The following CHMP6 variants were observed in gnomAD, a reference collection of about 807,000 sequenced individuals.
CHMP6 encodes chromatin-modifying protein 6.
In CHMP6, 10 loss-of-function variants were observed where a neutral mutation model predicts 32.8. That is an observed-to-expected ratio of 0.30 (90% CI 0.19 to 0.52). The LOEUF (loss-of-function observed/expected upper bound fraction) is 0.52. Among genes scored for constraint, CHMP6 ranks in the 20% least tolerant of loss-of-function variants. The pLI is 0.97. For synonymous variants in CHMP6, 123 were observed against 105.8 expected (o/e 1.16, Z -1.00); for missense variants, 269 against 263.8 (o/e 1.02, Z -0.14).
chr17:80,998,416 C>T lies in CHMP6; in HGVS notation c.546C>T (p.Ile182=), dbSNP rs371645115. The part of the protein sequence containing the change: ...EVPSEPLPEK[I]PENVPVKARP... ...CCTCCGAGCCCCTTCCTGAGAAGAT[C>T]CCAGGTATTTCCATGTTTGATTCTT... Residue 182 remains isoleucine (I), a synonymous_variant, in exon 7 of 8, where the codon ATC becomes ATT. Coordinates refer to ENST00000325167, the MANE Select transcript of CHMP6 (RefSeq NM_024591.5). 3.5e-5 allele frequency: 56 copies of T among 1,614,026 alleles called. No individual in the cohort carries two copies. The Middle Eastern group carries it at 6.6e-4, about 19-fold the overall frequency.
chr17:80,992,716 C>T (rs2069603775), intron 1 of CHMP6, among the ~76,000 whole-genome samples: 1 of 152,192 alleles, frequency 6.6e-6, no homozygotes, highest in Non-Finnish European at 1.5e-5. Context: ...TGAAAGTTAG[C>T]TTCTGTAGGA....
chr17:80,994,997 ACT>A lies in CHMP6; in HGVS notation c.174-18_174-17del, dbSNP rs1362316212. The stretch of plus-strand genomic sequence containing the variant: ...GGCCCAGGCAGGGCCACAGCGGGTC[ACT>A]CTCGGGCTTCCCTCTGCAGACGGGC... On this transcript the variant is annotated intron_variant, in intron 2 of 7. Coordinates refer to ENST00000325167, the MANE Select transcript of CHMP6 (RefSeq NM_024591.5). 4 of 1,575,328 alleles carry A rather than the reference ACT, an allele frequency of 2.5e-6. No homozygotes were observed. The African/African-American group carries it at 5.4e-5, about 21-fold the overall frequency.
chr17:80,996,047 G>A (rs932145584), intron 4 of CHMP6, among the ~76,000 whole-genome samples: 5 of 152,118 alleles, frequency 3.3e-5, no homozygotes, highest in Non-Finnish European at 5.9e-5. Context: ...TGGAGGTGGC[G>A]GGTGTGGTGG....
intron 1 of CHMP6, 152 bp from the exon 2 acceptor site, chr17:80,994,429 G>A (rs2069618744): frequency 1.7e-5 from 10 of 572,248 alleles, no homozygotes; most frequent in Admixed American, 4.0e-5. Flanking sequence ...CCCCAGACGT[G>A]TCCAGACAGC....
rs375099422 is a variant in CHMP6, at chr17:80,995,616, G to A, written c.262-56G>A. ...TCATCCTGAACCCTGCCCCAGGGCCGGGAGGAGGGCACCCCGGATCCTCAG... is the reference window on the plus strand; with the variant it reads ...TCATCCTGAACCCTGCCCCAGGGCCAGGAGGAGGGCACCCCGGATCCTCAG... On this transcript the variant is annotated intron_variant, in intron 3 of 7. Coordinates refer to ENST00000325167, the MANE Select transcript of CHMP6 (RefSeq NM_024591.5). 7.7e-5 allele frequency: 117 copies of A among 1,523,388 alleles called. 1 individual carries two copies. The African/African-American group carries it at 1.2e-3, about 15-fold the overall frequency. 94.4% of individuals were successfully genotyped at this position (1,523,388 alleles called of 1,614,324 possible). A position where few individuals can be genotyped will look rare whatever the true frequency, so the allele number is the denominator to read the frequency against.
chr17:80,997,826 T>C (rs1345088365), intron 6 of CHMP6, among the ~76,000 whole-genome samples: 1 of 152,216 alleles, frequency 6.6e-6, no homozygotes, highest in African/African-American at 2.4e-5. Flanking sequence ...CCAGCCCTGC[T>C]GCCAGCTGCC....
At chr17:80,997,401 ACCCCCAGGAGGC>A in intron 6 of CHMP6, 60 bp downstream of exon 6, 1 of 687,084 alleles carries the variant, frequency 1.5e-6, no homozygotes, top group South Asian at 2.0e-5. Flanking sequence ...CAGAGCTCAG[ACCCCCAGGAGGC>A]CCTGCCCATG....
intron 3 of CHMP6, 87 bp downstream of exon 3, chr17:80,995,193 A>G: frequency 7.6e-7 from 1 of 1,318,936 alleles, no homozygotes; most frequent in Non-Finnish European, 1.1e-6. Context: ...ATTTCTCCCG[A>G]GAGCTGAAAG....
intron 1 of CHMP6, among the ~76,000 whole-genome samples, chr17:80,992,719 C>T (rs1221896959): frequency 6.6e-6 from 1 of 152,146 alleles, no homozygotes; most frequent in African/African-American, 2.4e-5. Context: ...AAGTTAGCTT[C>T]TGTAGGAGGA....
chr17:80,995,782 C>T (rs779179293), intron 4 of CHMP6, 24 bp downstream of exon 4: 7 of 1,608,472 alleles, frequency 4.4e-6, no homozygotes, highest in Non-Finnish European at 8.5e-7. Flanking sequence ...GGGCCAGGGG[C>T]ATGGAGGTGT....
Position 80,998,239 on chromosome 17 carries a change from C to T in CHMP6, c.496-127C>T, listed in dbSNP as rs542296382. On this transcript the variant is annotated intron_variant, in intron 6 of 7. Coordinates refer to ENST00000325167, the MANE Select transcript of CHMP6 (RefSeq NM_024591.5). Reference sequence around the variant, plus strand: ...GCAGACTTGGGTCTTCTGAGCAGCACGTTCCTGTCCGCTTTAACTCCGGCT... The same window carrying T: ...GCAGACTTGGGTCTTCTGAGCAGCATGTTCCTGTCCGCTTTAACTCCGGCT... 3.6e-5 allele frequency: 39 copies of T among 1,093,126 alleles called. 1 individual carries two copies. The highest frequency in any genetic ancestry group is 3.3e-4 in the African/African-American group (21 of 63,852). The allele number at this position is 1,093,126 out of a possible 1,614,324, so 67.7% of individuals were successfully genotyped here.
In CHMP6 at chr17:80,995,128, C is replaced by T. The variant is rs773203846; in HGVS notation, c.261+22C>T. ...CATGGTAGGCGGCCGGGTGCTTCGC[C>T]CTGGAGTGCAGGTGCAGCTGGAGGC... On this transcript the variant is annotated intron_variant, in intron 3 of 7. Transcript: ENST00000325167. 18 of 1,584,902 alleles carry T rather than the reference C, an allele frequency of 1.1e-5. No individual in the cohort carries two copies. In the South Asian group the frequency reaches 1.6e-4, roughly 14 times the overall value.
At chr17:80,996,606 G>A (rs558981428) in intron 4 of CHMP6, among the ~76,000 whole-genome samples, 2 of 152,368 alleles carry the variant, frequency 1.3e-5, no homozygotes, top group Admixed American at 6.5e-5. Flanking sequence ...CAAGTCACCT[G>A]CCCAGAATGT....
At chr17:80,992,015 C>A in intron 1 of CHMP6, 34 bp downstream of exon 1, 3 of 1,343,842 alleles carry the variant, frequency 2.2e-6, no homozygotes, top group Non-Finnish European at 2.9e-6. Flanking sequence ...GGGCTGGGGC[C>A]GGGACAGGCG....
At position 80,991,951 on chromosome 17, in the gene CHMP6, C is replaced by T. The variant is rs1432935923; in HGVS notation, c.33C>T (p.Ser11=). 33 of 1,467,704 alleles carry T rather than the reference C, an allele frequency of 2.2e-5. No homozygotes were observed. The East Asian group carries it at 9.3e-4, about 41-fold the overall frequency. The allele number at this position is 1,467,704 out of a possible 1,614,324, so 90.9% of individuals were successfully genotyped here. A position where few individuals can be genotyped will look rare whatever the true frequency, so the allele number is the denominator to read the frequency against. ...ACCTGTTCGGCCGCAAGAAGCAGAGCCGCGTCACGGAGCAGGACAAGGCCA... is the reference window on the plus strand; with the variant it reads ...ACCTGTTCGGCCGCAAGAAGCAGAGTCGCGTCACGGAGCAGGACAAGGCCA... The part of the protein sequence containing the change: MGNLFGRKKQ[S]RVTEQDKAIL... The change falls in exon 1 of 8, where the codon AGC becomes AGT. Residue 11 remains serine, a synonymous_variant. Coordinates refer to ENST00000325167, the MANE Select transcript of CHMP6 (RefSeq NM_024591.5).
chr17:80,993,692 C>T (rs571123006), intron 1 of CHMP6, among the ~76,000 whole-genome samples: 1 of 152,336 alleles, frequency 6.6e-6, no homozygotes, highest in South Asian at 2.1e-4. Context: ...GGCTGAAGTT[C>T]CTCAGTGGCC....
rs1168062579 is a variant in CHMP6, at chr17:80,991,929, T to A, written c.11T>A (p.Leu4Gln). Reference protein sequence around the residue: MGNLFGRKKQSRVT... With the variant: MGNQFGRKKQSRVT... ...GGGGCGGGCGCCGCCATGGGTAACC[T>A]GTTCGGCCGCAAGAAGCAGAGCCGC... is the stretch of plus-strand genomic sequence containing the variant. The change falls in exon 1 of 8, where the codon CTG (leucine) becomes CAG (glutamine). Residue 4 changes from leucine to glutamine, a missense_variant. Physicochemically the swap from Leu to Gln is moderately radical, Grantham distance 113. Transcript: ENST00000325167. 1.4e-6 allele frequency: 2 copies of A among 1,467,386 alleles called. No homozygotes were observed. Among genetic ancestry groups the A allele is most frequent in the Admixed American group, 4.5e-5 (2 of 44,194 alleles). The allele number at this position is 1,467,386 out of a possible 1,614,324, so 90.9% of individuals were successfully genotyped here. A position where few individuals can be genotyped will look rare whatever the true frequency, so the allele number is the denominator to read the frequency against.
intron 1 of CHMP6, 108 bp from the exon 2 acceptor site, chr17:80,994,473 T>G: frequency 5.5e-6 from 5 of 901,120 alleles, no homozygotes; most frequent in Non-Finnish European, 8.2e-6. Flanking sequence ...CCCTGCCCCA[T>G]GAAGGACACT....
intron 6 of CHMP6, among the ~76,000 whole-genome samples, 169 bp from the exon 7 acceptor site, chr17:80,998,197 C>T (rs115622950): frequency 0.026 from 3,946 of 152,282 alleles, 188 homozygotes; most frequent in African/African-American, 0.09. Context: ...CTGGTGGCAC[C>T]AGAAGCCGGG....
Sources: allele counts gnomAD v4.1 joint callset (sites outside exome capture counted in the v4.1 genomes callset), GRCh38; gene constraint gnomAD v4.1.1; transcripts MANE v1.5; gene names NCBI Gene and HGNC (gene_info 2026-07-23, HGNC 2026-07-21).